Variants in TCERG1 observed in about 807,000 individuals in gnomAD.
TCERG1 encodes TATA box binding protein (TBP)-associated factor, RNA polymerase II, S, 150kD.
TCERG1 carries 37 observed loss-of-function variants against 144.7 expected under a neutral mutation model. The observed-to-expected ratio is 0.26, with a 90% CI of 0.20 to 0.34. The LOEUF (loss-of-function observed/expected upper bound fraction) is 0.34, where lower values mean the gene tolerates loss of function less well. Ranked by LOEUF, TCERG1 falls within the 10% of genes least tolerant of loss-of-function variation. The probability of loss-of-function intolerance (pLI) is 1.00; values close to 1 mark genes in which losing one functional copy is unlikely to be tolerated. For missense variants in TCERG1, 1,027 were observed against 1,380.7 expected (o/e 0.74, Z 4.06); for synonymous variants, 492 against 458.2 (o/e 1.07, Z -0.94).
intron 1 of TCERG1, among the ~76,000 whole-genome samples, chr5:146,450,430 G>A (rs962424731): frequency 1.3e-5 from 2 of 152,130 alleles, no homozygotes; most frequent in African/African-American, 4.8e-5. Flanking sequence ...TGTGGGCCAG[G>A]TTATACAGGG....
intron 10 of TCERG1, 108 bp from the exon 11 acceptor site, chr5:146,479,747 A>G (rs371214199): frequency 7.9e-6 from 8 of 1,012,122 alleles, no homozygotes; most frequent in South Asian, 3.0e-5. Context: ...TTATAAAGGG[A>G]TGAATATTAA....
rs1282344648 is a variant in TCERG1, at chr5:146,511,250, A to G, written c.*608A>G. 6.6e-6 allele frequency: 1 copy of G among 152,662 alleles called. No homozygotes were observed. Among genetic ancestry groups the G allele is most frequent in the Non-Finnish European group, 1.5e-5 (1 of 68,038 alleles). The allele number at this position is 152,662 out of a possible 1,614,324, so 9.5% of individuals were successfully genotyped here. Reference sequence around the variant, plus strand: ...GTTTAGCCTAAGAGAAGATTTATGTAGTAATTTCTTCTCAGGTATGGAACC... The same window carrying G: ...GTTTAGCCTAAGAGAAGATTTATGTGGTAATTTCTTCTCAGGTATGGAACC... On this transcript the variant is annotated 3_prime_UTR_variant, in exon 23 of 23. Coordinates refer to ENST00000679501, the MANE Select transcript of TCERG1 (RefSeq NM_001382548.1).
At position 146,507,316 on chromosome 5, in the gene TCERG1, T is replaced by C. The variant is rs536032800; in HGVS notation, c.2961+109T>C. On this transcript the variant is annotated intron_variant, in intron 20 of 22. Transcript: ENST00000679501. The surrounding 1 kb of genome is among the most constrained non-coding windows in gnomAD (Gnocchi z 4.6). ...GTGTCATGGTCTTTAGATTCATTAC[T>C]GGAATGCATCTTATGACAATTCTCT... 17 of 989,642 alleles carry C rather than the reference T, an allele frequency of 1.7e-5. No individual in the cohort carries two copies. The East Asian group carries it at 4.0e-4, about 23-fold the overall frequency. The allele number at this position is 989,642 out of a possible 1,614,324, so 61.3% of individuals were successfully genotyped here.
chr5:146,479,528 G>A (rs558705113), intron 10 of TCERG1, among the ~76,000 whole-genome samples: 92 of 152,086 alleles, frequency 6.0e-4, no homozygotes, highest in African/African-American at 2.1e-3. Flanking sequence ...TTTGTTTTTC[G>A]TGAATTTGTT....
At chr5:146,458,615 G>A (rs972894621) in intron 3 of TCERG1, among the ~76,000 whole-genome samples, 2 of 152,122 alleles carry the variant, frequency 1.3e-5, no homozygotes, top group Admixed American at 6.5e-5. Flanking sequence ...TGGGATTACA[G>A]ATGCCGGCCA....
At chr5:146,463,177 C>T (rs1357845214) in intron 4 of TCERG1, among the ~76,000 whole-genome samples, 1 of 152,158 alleles carries the variant, frequency 6.6e-6, no homozygotes, top group African/African-American at 2.4e-5. Context: ...GTTCTTTACT[C>T]TTTGCCTTAT....
intron 15 of TCERG1, among the ~76,000 whole-genome samples, chr5:146,489,010 G>A (rs185234964): frequency 6.6e-6 from 1 of 152,180 alleles, no homozygotes; most frequent in South Asian, 2.1e-4. Flanking sequence ...TGTCATAGAA[G>A]TCAAAAGTAG....
At chr5:146,470,193 G>C (rs901489053) in intron 7 of TCERG1, among the ~76,000 whole-genome samples, 3 of 152,132 alleles carry the variant, frequency 2.0e-5, no homozygotes, top group African/African-American at 7.2e-5. Context: ...ATTTGAGACA[G>C]AGCCTCACTG....
intron 5 of TCERG1, among the ~76,000 whole-genome samples, chr5:146,466,609 A>AT (rs199951362): frequency 6.6e-6 from 1 of 152,202 alleles, no homozygotes. Flanking sequence ...CTAAAAAAAA[A>AT]GGTTAAAAAT....
intron 19 of TCERG1, among the ~76,000 whole-genome samples, chr5:146,505,809 A>G (rs1158418197): frequency 6.6e-6 from 1 of 151,772 alleles, no homozygotes. Context: ...ATGGAGTCTC[A>G]CTCTGTCACC....
At chr5:146,457,482 C>G (rs1336110016) in intron 3 of TCERG1, 147 bp downstream of exon 3, 20 of 781,350 alleles carry the variant, frequency 2.6e-5, no homozygotes, top group Non-Finnish European at 3.9e-5. Context: ...GAGAAGCTGA[C>G]TGGATTTAGT....
Position 146,507,622 on chromosome 5 carries a change from T to C in TCERG1, c.2962-251T>C, listed in dbSNP as rs1768120461. 2.7e-6 allele frequency: 1 copy of C among 367,062 alleles called. No homozygotes were observed. Among genetic ancestry groups the C allele is most frequent in the East Asian group, 4.3e-5 (1 of 23,266 alleles). The allele number at this position is 367,062 out of a possible 1,614,324, so 22.7% of individuals were successfully genotyped here. On this transcript the variant is annotated intron_variant, in intron 20 of 22. Transcript: ENST00000679501. This position sits in a 1 kb window ranked among gnomAD's most constrained non-coding sequence, Gnocchi z 4.6. ...CTTCAGAAGTTATGATGTTTGCCCATGTAAATACAGGGTTTGCAGGTGATT... is the reference window on the plus strand; with the variant it reads ...CTTCAGAAGTTATGATGTTTGCCCACGTAAATACAGGGTTTGCAGGTGATT...
chr5:146,491,671 T>G (rs1396981241), intron 15 of TCERG1, among the ~76,000 whole-genome samples: 1 of 152,180 alleles, frequency 6.6e-6, no homozygotes, highest in Non-Finnish European at 1.5e-5. Context: ...TGTTTTTAGT[T>G]TGGTTTGCCT....
At chr5:146,488,893 T>C (rs1362830883) in intron 15 of TCERG1, among the ~76,000 whole-genome samples, 1 of 152,164 alleles carries the variant, frequency 6.6e-6, no homozygotes, top group Non-Finnish European at 1.5e-5. Flanking sequence ...AATCCTGTCA[T>C]TTGCAGCAAC....
At chr5:146,474,120 A>C (rs1764605150) in intron 9 of TCERG1, among the ~76,000 whole-genome samples, 1 of 152,322 alleles carries the variant, frequency 6.6e-6, no homozygotes, top group South Asian at 2.1e-4. Flanking sequence ...CACCTTCTGT[A>C]AACAATTCAC....
chr5:146,503,684 G>A, intron 18 of TCERG1, 140 bp from the exon 19 acceptor site: 3 of 1,345,220 alleles, frequency 2.2e-6, no homozygotes, highest in Non-Finnish European at 3.0e-6. Flanking sequence ...AGTTGATTTG[G>A]AGATGAGAGG....
At chr5:146,452,287 AG>A (rs1302405531) in intron 1 of TCERG1, among the ~76,000 whole-genome samples, 1 of 146,840 alleles carries the variant, frequency 6.8e-6, no homozygotes, top group Non-Finnish European at 1.5e-5. Flanking sequence ...TCCTCTCTTG[AG>A]GACAGAAATG....
chr5:146,497,387 T>G (rs2150788578), intron 16 of TCERG1, among the ~76,000 whole-genome samples: 1 of 152,270 alleles, frequency 6.6e-6, no homozygotes, highest in Middle Eastern at 3.4e-3. Context: ...CCTCAAATGA[T>G]CCTCCTACCT....
At position 146,459,135 on chromosome 5, in the gene TCERG1, G is replaced by T; in HGVS notation, c.690G>T (p.Gln230His). 1 of 1,604,878 alleles carries T rather than the reference G, an allele frequency of 6.2e-7. No individual in the cohort carries two copies. The highest frequency in any genetic ancestry group is 8.5e-7 in the Non-Finnish European group (1 of 1,172,714). Residue 230 changes from glutamine (Q) to histidine (H), a missense_variant, in exon 4 of 23, where the codon CAG becomes CAT. Gln to His is a conservative substitution (Grantham distance 24). Coordinates refer to ENST00000679501, the MANE Select transcript of TCERG1 (RefSeq NM_001382548.1). The stretch of plus-strand genomic sequence containing the variant: ...AAGCCCAAGCCCAGGCCCAGGCTCA[G>T]GCTCAGGCACAAGCTCAGGCCCAGG... ...QAQAQAQAQA[Q>H]AQAQAQAQAQ... is the part of the protein sequence containing the mutation.
Sources: allele counts gnomAD v4.1 joint callset (sites outside exome capture counted in the v4.1 genomes callset), GRCh38; gene constraint gnomAD v4.1.1; non-coding constraint Gnocchi (gnomAD v3.1); transcripts MANE v1.5; gene names NCBI Gene and HGNC (gene_info 2026-07-23, HGNC 2026-07-21).